MICU1: variants seen among roughly 807,000 people sequenced by gnomAD.
MICU1 encodes mitochondrial calcium uptake 1.
In MICU1, 45 loss-of-function variants were observed where a neutral mutation model predicts 56.8. The ratio of observed to expected loss-of-function variants is 0.79; its 90% CI spans 0.62 to 1.02. MICU1 has a LOEUF of 1.02. Ranked by LOEUF, MICU1 falls within the 50% of genes least tolerant of loss-of-function variation. The pLI is 0.00. For missense variants in MICU1, 504 were observed against 587.1 expected (o/e 0.86, Z 1.46); for synonymous variants, 186 against 195.1 (o/e 0.95, Z 0.39).
chr10:72,570,910 C>A (rs1840594042), intron 1 of MICU1, among the ~76,000 whole-genome samples: 1 of 151,666 alleles, frequency 6.6e-6, no homozygotes, highest in Non-Finnish European at 1.5e-5. Flanking sequence ...TTTCTCAAAT[C>A]CACATGTACA....
At chr10:72,525,535 T>G (rs1867937672) in intron 5 of MICU1, among the ~76,000 whole-genome samples, 1 of 152,184 alleles carries the variant, frequency 6.6e-6, no homozygotes, top group African/African-American at 2.4e-5. Flanking sequence ...GACTCGGTAT[T>G]TAACCCGGGC....
At chr10:72,401,811 C>T (rs1332027974) in intron 10 of MICU1, among the ~76,000 whole-genome samples, 3 of 152,146 alleles carry the variant, frequency 2.0e-5, no homozygotes, top group African/African-American at 7.2e-5. Flanking sequence ...CTCTCTAGAA[C>T]TATTTCATCC....
At chr10:72,423,094 A>G (rs1337991157) in intron 9 of MICU1, 140 bp downstream of exon 9, 23 of 1,135,422 alleles carry the variant, frequency 2.0e-5, no homozygotes, top group Non-Finnish European at 2.6e-5. Flanking sequence ...TTTTCTCCCT[A>G]CGGACCTCAG....
rs1309366435 is a variant in MICU1, at chr10:72,368,316, A to C, written c.1310T>G (p.Met437Arg). 1 of 1,613,906 alleles carries C rather than the reference A, an allele frequency of 6.2e-7. No homozygotes were observed. Among genetic ancestry groups the C allele is most frequent in the Non-Finnish European group, 8.5e-7 (1 of 1,179,880 alleles). Residue 437 changes from methionine (M) to arginine (R), a missense_variant, in exon 12 of 12, where the codon ATG (methionine) becomes AGG (arginine). Transcript: ENST00000361114. The part of the protein sequence containing the change: ...ELSNKEFVSI[M>R]KQRLMRGLEK... ...CAGGCCTCTCATCAGCCGTTGCTTC[A>C]TGATGGAAACAAATTCCTTATTGCT...
At chr10:72,602,689 C>T (rs1315308389) in intron 1 of MICU1, among the ~76,000 whole-genome samples, 2 of 152,134 alleles carry the variant, frequency 1.3e-5, no homozygotes, top group East Asian at 3.9e-4. Flanking sequence ...AACAATAATA[C>T]ATTATAAATA....
intron 6 of MICU1, among the ~76,000 whole-genome samples, chr10:72,486,922 A>C (rs529308213): frequency 6.6e-6 from 1 of 152,372 alleles, no homozygotes; most frequent in Middle Eastern, 3.4e-3. Context: ...ACAGGATCTA[A>C]TTTGAAGCAC....
rs776773049 is a variant in MICU1 at position 72,423,341 on chromosome 10, T to C, written c.964A>G (p.Ile322Val). The change falls in exon 9 of 12, where the codon ATT (isoleucine) becomes GTT (valine). Residue 322 changes from isoleucine to valine, a missense_variant. Ile to Val is a conservative substitution (Grantham distance 29, BLOSUM62 3). Transcript: ENST00000361114. ...ATGCCACCAAACTGCCTCTCAGTAA[T>C]TCTCCCATCCACAGGGTCATGGCGT... ...FERHDPVDGR[I>V]TERQFGGMLL... 7 of 1,613,802 alleles carry C rather than the reference T, an allele frequency of 4.3e-6. No homozygotes were observed. The Middle Eastern group carries it at 6.6e-4, about 152-fold the overall frequency.
chr10:72,370,834 C>G (rs2132028444), intron 11 of MICU1, among the ~76,000 whole-genome samples: 1 of 150,786 alleles, frequency 6.6e-6, no homozygotes, highest in Non-Finnish European at 1.5e-5. Context: ...AGTTCAAGAC[C>G]AGCCTGGCCA....
intron 4 of MICU1, among the ~76,000 whole-genome samples, chr10:72,544,171 C>T (rs1451972044): frequency 6.6e-6 from 1 of 152,096 alleles, no homozygotes; most frequent in Non-Finnish European, 1.5e-5. Context: ...GTCACGTACC[C>T]GCTGCTTGCT....
chr10:72,471,449 T>C (rs1055341375), intron 8 of MICU1, among the ~76,000 whole-genome samples: 15 of 152,228 alleles, frequency 9.9e-5, no homozygotes, highest in African/African-American at 3.6e-4. Flanking sequence ...AAAAGTCCTA[T>C]GCTCTGTTTC....
intron 5 of MICU1, among the ~76,000 whole-genome samples, chr10:72,511,310 C>T (rs1013216312): frequency 6.6e-6 from 1 of 152,198 alleles, no homozygotes; most frequent in African/African-American, 2.4e-5. Context: ...AAAATACACA[C>T]TGAACACCAT....
At chr10:72,592,975 G>A (rs553074461) in intron 1 of MICU1, among the ~76,000 whole-genome samples, 4 of 151,784 alleles carry the variant, frequency 2.6e-5, no homozygotes, top group South Asian at 4.2e-4. Flanking sequence ...TAGTAGAGAC[G>A]GGGTTTCACC....
chr10:72,480,545 C>A (rs2132279566), intron 6 of MICU1, among the ~76,000 whole-genome samples: 1 of 152,208 alleles, frequency 6.6e-6, no homozygotes, highest in South Asian at 2.1e-4. Context: ...GGGTAGATTG[C>A]AGGTGGAAGC....
chr10:72,449,003 T>A (rs919219049), intron 8 of MICU1, among the ~76,000 whole-genome samples: 1 of 152,136 alleles, frequency 6.6e-6, no homozygotes, highest in Non-Finnish European at 1.5e-5. Flanking sequence ...GGTGTTATCA[T>A]GGCTCACGTA....
chr10:72,524,399 G>A (rs1455756617), intron 5 of MICU1, among the ~76,000 whole-genome samples: 2 of 152,040 alleles, frequency 1.3e-5, no homozygotes, highest in Non-Finnish European at 2.9e-5. Flanking sequence ...CACCAGACCC[G>A]GCCTCCAAGT....
chr10:72,424,510 G>A (rs375219603), intron 8 of MICU1, among the ~76,000 whole-genome samples: 1 of 151,826 alleles, frequency 6.6e-6, no homozygotes, highest in East Asian at 1.9e-4. Flanking sequence ...AGAGATGGGG[G>A]TCTTGCTATG....
intron 10 of MICU1, among the ~76,000 whole-genome samples, chr10:72,395,743 T>C (rs1485728536): frequency 6.6e-6 from 1 of 152,228 alleles, no homozygotes; most frequent in African/African-American, 2.4e-5. Flanking sequence ...CATCTGCCAT[T>C]GCTGAGGCTT....
intron 8 of MICU1, among the ~76,000 whole-genome samples, chr10:72,425,275 C>A (rs1347959620): frequency 6.6e-6 from 1 of 152,186 alleles, no homozygotes; most frequent in Non-Finnish European, 1.5e-5. Flanking sequence ...GTGGGGCAAT[C>A]CCGTATGTTG....
At chr10:72,440,679 C>T (rs1207577279) in intron 8 of MICU1, among the ~76,000 whole-genome samples, 1 of 152,116 alleles carries the variant, frequency 6.6e-6, no homozygotes, top group African/African-American at 2.4e-5. Context: ...CCAGAATCTA[C>T]AAAGAACTTA....
Sources: gnomAD v4.1 joint callset for allele counts (sites outside exome capture counted in the v4.1 genomes callset) on GRCh38, gnomAD v4.1.1 for gene constraint, MANE v1.5 for transcripts, NCBI Gene and HGNC (gene_info 2026-07-23, HGNC 2026-07-21) for gene names.